Variants in MPPED2 observed in about 807,000 individuals in gnomAD.
The protein encoded by MPPED2 is metallophosphoesterase MPPED2.
A neutral mutation model predicts 33.0 loss-of-function variants in MPPED2; 5 were observed. The ratio of observed to expected loss-of-function variants is 0.15; its 90% confidence interval spans 0.08 to 0.32. The LOEUF (loss-of-function observed/expected upper bound fraction) is 0.32, where lower values mean the gene tolerates loss of function less well. Among genes scored for constraint, MPPED2 ranks in the 10% least tolerant of loss-of-function variants. The probability of loss-of-function intolerance (pLI) is 1.00; values close to 1 mark genes in which losing one functional copy is unlikely to be tolerated. For synonymous variants in MPPED2, 136 were observed against 141.9 expected, an observed-to-expected ratio of 0.96 and a Z score of 0.29; for missense variants, 275 against 372.1, an observed-to-expected ratio of 0.74 and a Z score of 2.15.
In MPPED2 at chr11:30,414,335, C is replaced by T. The variant is rs758267724; in HGVS notation, c.659G>A (p.Arg220Gln). ...LMTHGPPLGF[R>Q]DWVPKELQRV... ...TTGAAGCTCCTTTGGAACCCAGTCT[C>T]GAAAACCTAAGGGCAAAATGCAATC... is the stretch of plus-strand genomic sequence containing the variant. Residue 220 changes from arginine (R) to glutamine (Q), a missense_variant, in exon 6 of 7, where the codon CGA (arginine) becomes CAA (glutamine). Arg to Gln is a conservative substitution (Grantham distance 43). Transcript: ENST00000358117. 27 of 1,611,758 alleles carry T rather than the reference C, an allele frequency of 1.7e-5. No homozygotes were observed. Among genetic ancestry groups the T allele is most frequent in the African/African-American group, 4.0e-5 (3 of 74,870 alleles).
intron 2 of MPPED2, among the ~76,000 whole-genome samples, chr11:30,558,759 T>C (rs1956105059): frequency 6.6e-6 from 1 of 151,216 alleles, no homozygotes; most frequent in Admixed American, 6.6e-5. Flanking sequence ...TCTCCCTCCC[T>C]CTTTCCTTCT....
At chr11:30,453,726 G>A (rs1237865071) in intron 4 of MPPED2, among the ~76,000 whole-genome samples, 1 of 152,092 alleles carries the variant, frequency 6.6e-6, no homozygotes, top group African/African-American at 2.4e-5. Flanking sequence ...ATAAGATCAA[G>A]CAAAGAAGAC....
In MPPED2 at chr11:30,586,030, G is replaced by C. The variant is rs1178094189; in HGVS notation, c.-122+12C>G. 3 of 152,214 alleles carry C rather than the reference G, an allele frequency of 2.0e-5. No homozygotes were observed. The highest frequency in any genetic ancestry group is 6.5e-5 in the Admixed American group (1 of 15,274). The allele number at this position is 152,214 out of a possible 1,614,324, so 9.4% of individuals were successfully genotyped here. On this transcript the variant is annotated intron_variant, in intron 1 of 6. Coordinates refer to ENST00000358117, the MANE Select transcript of MPPED2 (RefSeq NM_001584.3). This position sits in a 1 kb window ranked among gnomAD's most constrained non-coding sequence, Gnocchi z 4.8. The stretch of plus-strand genomic sequence containing the variant: ...TCCCCCGCCCTCCGCCTCCCTTCCC[G>C]GGGCGGATTACCTTTCCCGGGCTGC...
intron 3 of MPPED2, among the ~76,000 whole-genome samples, chr11:30,496,696 G>C (rs1160804090): frequency 1.4e-5 from 1 of 72,014 alleles, no homozygotes; most frequent in Admixed American, 2.1e-4. Context: ...TAGTGGGGAA[G>C]AGAATTTTGT....
At chr11:30,517,582 T>G (rs1474058105) in intron 3 of MPPED2, among the ~76,000 whole-genome samples, 1 of 152,202 alleles carries the variant, frequency 6.6e-6, no homozygotes, top group African/African-American at 2.4e-5. Context: ...GTAGTAACGC[T>G]GCTAAAGTGT....
intron 2 of MPPED2, among the ~76,000 whole-genome samples, chr11:30,569,819 G>A (rs1333360665): frequency 4.6e-5 from 7 of 151,940 alleles, no homozygotes; most frequent in Admixed American, 3.9e-4. Flanking sequence ...ATATTGAGTC[G>A]GCACGTGTAC....
At chr11:30,529,073 C>G (rs185807181) in intron 3 of MPPED2, among the ~76,000 whole-genome samples, 7 of 152,064 alleles carry the variant, frequency 4.6e-5, no homozygotes, top group Admixed American at 4.6e-4. Flanking sequence ...AGAGATCTAG[C>G]TAAATAAAAA....
At chr11:30,468,287 A>G (rs1332589767) in intron 4 of MPPED2, among the ~76,000 whole-genome samples, 3 of 151,312 alleles carry the variant, frequency 2.0e-5, no homozygotes, top group African/African-American at 7.3e-5. Context: ...CTCTTTCAAT[A>G]TGCATGCAAT....
chr11:30,562,596 G>A (rs1956281932), intron 2 of MPPED2, among the ~76,000 whole-genome samples: 1 of 152,112 alleles, frequency 6.6e-6, no homozygotes, highest in Admixed American at 6.6e-5. Context: ...ATTCTTCCTT[G>A]CTTCTCCTAC....
chr11:30,409,012 A>C (rs2133721230), downstream of MPPED2, among the ~76,000 whole-genome samples: 1 of 152,344 alleles, frequency 6.6e-6, no homozygotes, highest in African/African-American at 2.4e-5. Context: ...TCCACAAATG[A>C]GTCTGCCTTC....
At chr11:30,471,791 G>A (rs540856860) in intron 4 of MPPED2, among the ~76,000 whole-genome samples, 1 of 152,270 alleles carries the variant, frequency 6.6e-6, no homozygotes, top group African/African-American at 2.4e-5. Context: ...AACTTGAGAA[G>A]ACACAGGAAT....
At chr11:30,581,962 A>G (rs1957188458) in intron 1 of MPPED2, among the ~76,000 whole-genome samples, 1 of 152,208 alleles carries the variant, frequency 6.6e-6, no homozygotes, top group African/African-American at 2.4e-5. Context: ...GCCAGATGAT[A>G]GACAACCAGG....
At chr11:30,437,858 G>T (rs1019390260) in intron 4 of MPPED2, among the ~76,000 whole-genome samples, 4 of 151,478 alleles carry the variant, frequency 2.6e-5, no homozygotes, top group East Asian at 2.0e-4. Flanking sequence ...AAGCTGATGG[G>T]GCCTGAACAA....
intron 4 of MPPED2, among the ~76,000 whole-genome samples, chr11:30,477,269 TAGC>T (rs764688024): frequency 2.0e-5 from 3 of 152,058 alleles, no homozygotes; most frequent in Non-Finnish European, 4.4e-5. Flanking sequence ...CAATGGTAAA[TAGC>T]AGTATCAATC....
At chr11:30,485,003 T>C (rs115741075) in intron 4 of MPPED2, among the ~76,000 whole-genome samples, 1,573 of 152,158 alleles carry the variant, frequency 0.01, 31 homozygotes, top group African/African-American at 0.036. Context: ...CAAAAAATAA[T>C]AGCCATTACA....
chr11:30,388,771 G>C lies in MPPED2; in HGVS notation c.*118C>G, dbSNP rs1947733489. 4 of 1,293,668 alleles carry C rather than the reference G, an allele frequency of 3.1e-6. No individual in the cohort carries two copies. The South Asian group carries it at 8.5e-5, about 27-fold the overall frequency. The allele number at this position is 1,293,668 out of a possible 1,614,324, so 80.1% of individuals were successfully genotyped here. On this transcript the variant is annotated 3_prime_UTR_variant, in exon 7 of 7. Coordinates refer to the MPPED2 transcript ENST00000448418. ...CCTTCTTTGTCTTCACCAAGGAGAG[G>C]CATCTTCCTTCCTTCCTGTGTGCCT...
Position 30,411,061 on chromosome 11 carries a change from T to C in MPPED2, c.*407A>G. 1 of 986,270 alleles carries C rather than the reference T, an allele frequency of 1.0e-6. No individual in the cohort carries two copies. The highest frequency in any genetic ancestry group is 1.2e-6 in the Non-Finnish European group (1 of 830,236). 61.1% of individuals were successfully genotyped at this position (986,270 alleles called of 1,614,324 possible). A position where few individuals can be genotyped will look rare whatever the true frequency, so the allele number is the denominator to read the frequency against. ...CAACAAAACATTGAAAATTAAAATA[T>C]TTCAAACAATACTCTTAAACAGTTG... On this transcript the variant is annotated 3_prime_UTR_variant, in exon 7 of 7. Coordinates refer to ENST00000358117, the MANE Select transcript of MPPED2 (RefSeq NM_001584.3).
chr11:30,544,800 G>A (rs187452280), intron 2 of MPPED2, among the ~76,000 whole-genome samples: 1 of 152,310 alleles, frequency 6.6e-6, no homozygotes, highest in East Asian at 1.9e-4. Context: ...ACATTGCAGT[G>A]GGTACAGAAC....
chr11:30,417,675 C>G, intron 4 of MPPED2, 42 bp from the exon 5 acceptor site: 1 of 1,114,890 alleles, frequency 9.0e-7, no homozygotes, highest in Non-Finnish European at 1.4e-6. Flanking sequence ...CCAGCAGAGC[C>G]ACGGCTCCGC....
Sources: allele counts gnomAD v4.1 joint callset (sites outside exome capture counted in the v4.1 genomes callset), GRCh38; gene constraint gnomAD v4.1.1; non-coding constraint Gnocchi (gnomAD v3.1); transcripts MANE v1.5; gene names NCBI Gene and HGNC (gene_info 2026-07-23, HGNC 2026-07-21).